AMD1: variants seen among roughly 807,000 people sequenced by gnomAD.
The protein encoded by AMD1 is adenosylmethionine decarboxylase 1.
AMD1 carries 11 observed loss-of-function variants against 40.2 expected under a neutral mutation model. That is an observed-to-expected ratio of 0.27 (90% CI 0.17 to 0.45). The LOEUF (loss-of-function observed/expected upper bound fraction) is 0.45. Ranked by LOEUF, AMD1 falls within the 20% of genes least tolerant of loss-of-function variation. AMD1 has a pLI of 1.00. For synonymous variants in AMD1, 121 were observed against 130.8 expected (o/e 0.93, Z 0.51); for missense variants, 257 against 410.2 (o/e 0.63, Z 3.23).
intron 1 of AMD1, among the ~76,000 whole-genome samples, chr6:110,878,962 G>A (rs1040009379): frequency 2.0e-5 from 3 of 152,148 alleles, no homozygotes; most frequent in Non-Finnish European, 2.9e-5. Flanking sequence ...TTACATTGAA[G>A]GAATTTACAA....
the AMD1 span, among the ~76,000 whole-genome samples, chr6:110,867,053 T>C: frequency 6.6e-6 from 1 of 151,992 alleles, no homozygotes; most frequent in Non-Finnish European, 1.5e-5. Flanking sequence ...GACCTCGTGA[T>C]CCACCCGCCT....
At chr6:110,815,241 T>TCTCG in the AMD1 span, 11 of 1,130,310 alleles carry the variant, frequency 9.7e-6, no homozygotes, top group Non-Finnish European at 1.0e-5. Context: ...CAGCCGCCTC[T>TCTCG]CGCGCGCGCG....
rs1461450970 is a variant in AMD1 at position 110,892,904 on chromosome 6, T to A, written c.709-6T>A. ...CATTCTTAACACTGTGAACTTTTTC[T>A]CTCAGGGAACTTATTGGACTATTCA... On this transcript the variant is annotated splice_region_variant and splice_polypyrimidine_tract_variant and intron_variant, in intron 7 of 8. Transcript: ENST00000368885. The A allele has an allele frequency of 1.2e-6, 2 of 1,613,630 alleles. No homozygotes were observed. Among genetic ancestry groups the A allele is most frequent in the Non-Finnish European group, 1.7e-6 (2 of 1,179,882 alleles).
At chr6:110,815,249 G>A in the AMD1 span, 3 of 1,220,232 alleles carry the variant, frequency 2.5e-6, no homozygotes, top group Non-Finnish European at 3.1e-6. Flanking sequence ...TCTCGCGCGC[G>A]CGCGCGCGCC....
intron 1 of AMD1, among the ~76,000 whole-genome samples, chr6:110,885,109 C>T (rs1785609747): frequency 6.6e-6 from 1 of 152,054 alleles, no homozygotes; most frequent in South Asian, 2.1e-4. Context: ...GATTTCATTC[C>T]CACGAGTAGT....
the AMD1 span, among the ~76,000 whole-genome samples, chr6:110,823,674 G>A: frequency 0.01 from 1,552 of 152,310 alleles, 27 homozygotes; most frequent in African/African-American, 0.034. Flanking sequence ...AGCTAGAGAT[G>A]TGTTTTAGAA....
the AMD1 span, among the ~76,000 whole-genome samples, chr6:110,827,553 T>G: frequency 1.3e-5 from 2 of 151,796 alleles, no homozygotes; most frequent in Non-Finnish European, 2.9e-5. Flanking sequence ...TCACCTGGCG[T>G]CAGGAGTTTG....
chr6:110,872,428 T>A (rs1410158248), upstream of AMD1, among the ~76,000 whole-genome samples: 1 of 152,136 alleles, frequency 6.6e-6, no homozygotes, highest in Non-Finnish European at 1.5e-5. Flanking sequence ...CTTTAAGTGT[T>A]TTATGTGCAA....
At chr6:110,870,422 A>G (rs1463927768), upstream of AMD1, among the ~76,000 whole-genome samples, 1 of 152,152 alleles carries the variant, frequency 6.6e-6, no homozygotes, top group East Asian at 1.9e-4. Context: ...CAGGAGTTCA[A>G]GACCAGCCTG....
the AMD1 span, among the ~76,000 whole-genome samples, chr6:110,825,259 C>T: frequency 6.6e-6 from 1 of 152,216 alleles, no homozygotes; most frequent in Admixed American, 6.5e-5. Context: ...TCCTCTTTCT[C>T]TTCATCTCTC....
intron 1 of AMD1, among the ~76,000 whole-genome samples, chr6:110,879,449 G>A (rs1583212366): frequency 2.0e-5 from 3 of 152,266 alleles, no homozygotes; most frequent in Admixed American, 2.0e-4. Flanking sequence ...TCCCGATTTG[G>A]GGTAAAAATT....
intron 1 of AMD1, among the ~76,000 whole-genome samples, chr6:110,885,126 ATT>A (rs1172577890): frequency 2.0e-5 from 3 of 151,952 alleles, no homozygotes; most frequent in Non-Finnish European, 4.4e-5. Flanking sequence ...TAGTTTGTTT[ATT>A]TTTTTGAGAT....
At chr6:110,848,327 G>C in the AMD1 span, among the ~76,000 whole-genome samples, 10 of 150,946 alleles carry the variant, frequency 6.6e-5, no homozygotes, top group African/African-American at 1.9e-4. Flanking sequence ...TTTGAGACCA[G>C]CCTGGCCAAC....
chr6:110,885,689 A>G (rs1039848842), intron 1 of AMD1, among the ~76,000 whole-genome samples: 1 of 152,194 alleles, frequency 6.6e-6, no homozygotes, highest in Non-Finnish European at 1.5e-5. Flanking sequence ...AAGAACCTTA[A>G]AACTTTTTAG....
chr6:110,863,753 A>T, the AMD1 span: 1 of 229,566 alleles, frequency 4.4e-6, no homozygotes, highest in African/African-American at 2.4e-5. Flanking sequence ...TATAAATTAC[A>T]TATTCTAAAG....
the AMD1 span, among the ~76,000 whole-genome samples, chr6:110,852,383 G>A: frequency 1.3e-5 from 2 of 151,484 alleles, no homozygotes; most frequent in South Asian, 2.1e-4. Context: ...CACCAAGTCC[G>A]GCTAATTTTT....
the AMD1 span, among the ~76,000 whole-genome samples, chr6:110,838,282 G>A: frequency 6.7e-6 from 1 of 148,366 alleles, no homozygotes; most frequent in African/African-American, 2.4e-5. Flanking sequence ...CCAGCTACTC[G>A]GGAGGCTGAA....
At chr6:110,886,482 T>A (rs891929425) in intron 1 of AMD1, among the ~76,000 whole-genome samples, 3 of 152,120 alleles carry the variant, frequency 2.0e-5, no homozygotes, top group Non-Finnish European at 4.4e-5. Flanking sequence ...ATTTTTGTAT[T>A]TTTAGTAGAA....
At chr6:110,859,360 G>A in the AMD1 span, among the ~76,000 whole-genome samples, 1 of 152,004 alleles carries the variant, frequency 6.6e-6, no homozygotes, top group Non-Finnish European at 1.5e-5. Context: ...GGTCAAAGCC[G>A]TATCCCCATA....
Sources: gnomAD v4.1 joint callset for allele counts (sites outside exome capture counted in the v4.1 genomes callset) on GRCh38, gnomAD v4.1.1 for gene constraint, MANE v1.5 for transcripts, NCBI Gene and HGNC (gene_info 2026-07-23, HGNC 2026-07-21) for gene names.